FOXK2: variants seen among roughly 807,000 people sequenced by gnomAD.
The protein encoded by FOXK2 is forkhead box K2.
FOXK2 carries 24 observed loss-of-function variants against 53.3 expected under a neutral mutation model. The ratio of observed to expected loss-of-function variants is 0.45; its 90% CI spans 0.33 to 0.63. The LOEUF is 0.63. Among genes scored for constraint, FOXK2 ranks in the 30% least tolerant of loss-of-function variants. FOXK2 has a pLI of 0.03. For synonymous variants in FOXK2, 505 were observed against 407.1 expected, an observed-to-expected ratio of 1.24 and a Z score of -2.89; for missense variants, 952 against 910.5, an observed-to-expected ratio of 1.05 and a Z score of -0.59.
Position 82,568,104 on chromosome 17 carries a change from A to G in FOXK2, c.665A>G (p.Tyr222Cys). 1.2e-6 allele frequency: 2 copies of G among 1,614,042 alleles called. 1 individual carries two copies. Among genetic ancestry groups the G allele is most frequent in the South Asian group, 2.2e-5 (2 of 91,078 alleles). Residue 222 changes from tyrosine to cysteine, a missense_variant, in exon 3 of 9, where the codon TAC (tyrosine) becomes TGC (cysteine). Transcript: ENST00000335255. ...CCCCGGGGAGCGGGGTCTTCAGGGT[A>G]CAAGGTGGGCCGAGTGATGCCATCT... ...SSPRGAGSSG[Y>C]KVGRVMPSDL...
At chr17:82,596,650 G>A (rs574362068) in intron 8 of FOXK2, among the ~76,000 whole-genome samples, 2 of 97,548 alleles carry the variant, frequency 2.1e-5, no homozygotes, top group South Asian at 3.5e-4. Flanking sequence ...TTTAAAAATC[G>A]CTTCAGCCAT....
intron 1 of FOXK2, among the ~76,000 whole-genome samples, chr17:82,557,240 C>G (rs2044737845): frequency 6.6e-6 from 1 of 151,200 alleles, no homozygotes; most frequent in Admixed American, 6.6e-5. Flanking sequence ...CCATGTTGGT[C>G]AGGCTGGTCT....
At chr17:82,548,177 C>T (rs1290000467) in intron 1 of FOXK2, among the ~76,000 whole-genome samples, 1 of 152,200 alleles carries the variant, frequency 6.6e-6, no homozygotes, top group Non-Finnish European at 1.5e-5. Context: ...GCCAGGTGGT[C>T]AGTGTGCATT....
chr17:82,594,093 C>T (rs1239836691), intron 8 of FOXK2: 5 of 152,364 alleles, frequency 3.3e-5, no homozygotes, highest in Admixed American at 6.5e-5. Flanking sequence ...CTGATGCTTC[C>T]TGGAGGTCTC....
intron 6 of FOXK2, among the ~76,000 whole-genome samples, chr17:82,585,680 G>C (rs1377373461): frequency 2.6e-5 from 4 of 152,070 alleles, no homozygotes; most frequent in African/African-American, 7.2e-5. Context: ...TATCTAAATA[G>C]AGCCAAAATT....
intron 2 of FOXK2, among the ~76,000 whole-genome samples, chr17:82,565,934 A>G (rs1285235336): frequency 6.6e-6 from 1 of 152,210 alleles, no homozygotes; most frequent in African/African-American, 2.4e-5. Flanking sequence ...AAAGGAAGGA[A>G]ATCCTGACAT....
intron 1 of FOXK2, among the ~76,000 whole-genome samples, chr17:82,523,546 C>G (rs796643144): frequency 1.3e-5 from 2 of 150,652 alleles, no homozygotes; most frequent in African/African-American, 4.9e-5. Flanking sequence ...GATCTCGGCT[C>G]ATTGCAACCT....
At chr17:82,575,196 C>G (rs2044968322) in intron 4 of FOXK2, among the ~76,000 whole-genome samples, 1 of 152,184 alleles carries the variant, frequency 6.6e-6, no homozygotes, top group Non-Finnish European at 1.5e-5. Context: ...GCCCTGCCTG[C>G]TGCTCCTGCC....
intron 1 of FOXK2, among the ~76,000 whole-genome samples, chr17:82,560,911 T>C (rs1010215578): frequency 5.9e-5 from 9 of 152,056 alleles, no homozygotes; most frequent in Non-Finnish European, 1.0e-4. Flanking sequence ...AGTGGGTCAG[T>C]GATCGTGCCA....
At chr17:82,528,060 A>G (rs898708369) in intron 1 of FOXK2, among the ~76,000 whole-genome samples, 1 of 152,150 alleles carries the variant, frequency 6.6e-6, no homozygotes, top group Non-Finnish European at 1.5e-5. Flanking sequence ...AGTCTGCCAA[A>G]GTGCTGGGAT....
chr17:82,549,833 A>G (rs1055121352), intron 1 of FOXK2, among the ~76,000 whole-genome samples: 1 of 152,224 alleles, frequency 6.6e-6, no homozygotes, highest in African/African-American at 2.4e-5. Flanking sequence ...CCTAATATTT[A>G]TACCTTAGAA....
At chr17:82,523,042 C>T (rs2044381383) in intron 1 of FOXK2, among the ~76,000 whole-genome samples, 1 of 152,218 alleles carries the variant, frequency 6.6e-6, no homozygotes, top group East Asian at 1.9e-4. Flanking sequence ...ATCCACCCGC[C>T]TTGGCCTCCC....
intron 2 of FOXK2, 79 bp downstream of exon 2, chr17:82,563,627 T>A (rs965922950): frequency 1.5e-6 from 2 of 1,293,160 alleles, no homozygotes; most frequent in African/African-American, 1.5e-5. Context: ...CCTTCCCTGG[T>A]GCTGACTTAT....
rs2045396769 is a variant in FOXK2 at position 82,602,442 on chromosome 17, G to A, written c.*943G>A. The A allele has an allele frequency of 2.0e-5, 3 of 152,192 alleles. No homozygotes were observed. In the South Asian group the frequency reaches 6.2e-4, roughly 32 times the overall value. 9.4% of individuals were successfully genotyped at this position (152,192 alleles called of 1,614,324 possible). A position where few individuals can be genotyped will look rare whatever the true frequency, so the allele number is the denominator to read the frequency against. On this transcript the variant is annotated 3_prime_UTR_variant, in exon 9 of 9. Transcript: ENST00000335255. Reference sequence around the variant, plus strand: ...ACCATTTCTACTTCATTTGGAAAAAGATTCAGTCTTTTATCACAGGCCCTT... The same window carrying A: ...ACCATTTCTACTTCATTTGGAAAAAAATTCAGTCTTTTATCACAGGCCCTT...
At chr17:82,584,271 G>A (rs992722668) in intron 6 of FOXK2, 83 bp downstream of exon 6, 46 of 1,395,920 alleles carry the variant, frequency 3.3e-5, no homozygotes, top group Non-Finnish European at 4.0e-5. Context: ...AGAAACAGCC[G>A]GACTGGAGGC....
chr17:82,540,980 CAG>C (rs529146808), intron 1 of FOXK2, among the ~76,000 whole-genome samples: 116 of 152,248 alleles, frequency 7.6e-4, no homozygotes, highest in Admixed American at 1.6e-3. Flanking sequence ...CTTTCTCAGA[CAG>C]GGGTCCACAG....
intron 2 of FOXK2, among the ~76,000 whole-genome samples, chr17:82,565,588 A>G (rs540605791): frequency 2.0e-5 from 3 of 152,236 alleles, no homozygotes; most frequent in South Asian, 2.1e-4. Context: ...GGAAATGCCA[A>G]TCAAAACACA....
chr17:82,528,050 A>C (rs2044435987), intron 1 of FOXK2, among the ~76,000 whole-genome samples: 1 of 152,074 alleles, frequency 6.6e-6, no homozygotes, highest in Non-Finnish European at 1.5e-5. Context: ...CCCCCACCTC[A>C]GTCTGCCAAA....
At chr17:82,586,988 A>G in intron 7 of FOXK2, 75 bp from the exon 8 acceptor site, 2 of 1,363,968 alleles carry the variant, frequency 1.5e-6, no homozygotes, top group Non-Finnish European at 2.1e-6. Flanking sequence ...CTATCTGGTT[A>G]TTATGTTTTA....
Sources: gnomAD v4.1 joint callset for allele counts (sites outside exome capture counted in the v4.1 genomes callset) on GRCh38, gnomAD v4.1.1 for gene constraint, MANE v1.5 for transcripts, NCBI Gene and HGNC (gene_info 2026-07-23, HGNC 2026-07-21) for gene names.